The following CENPN variants were observed in gnomAD, a reference collection of about 807,000 sequenced individuals.
The protein encoded by CENPN is interphase centromere complex protein 32.
In CENPN, 36 loss-of-function variants were observed where a neutral mutation model predicts 48.6. The observed-to-expected ratio is 0.74, with a 90% confidence interval of 0.57 to 0.98. The LOEUF is 0.98. Ranked by LOEUF, CENPN falls within the 50% of genes least tolerant of loss-of-function variation. The pLI, the probability that CENPN is intolerant of heterozygous loss-of-function variation, is 0.00. For missense variants in CENPN, 439 were observed against 399.2 expected (o/e 1.10, Z -0.85); for synonymous variants, 166 against 135.2 (o/e 1.23, Z -1.58).
intron 7 of CENPN, chr16:81,024,390 G>T (rs1567554112): frequency 5.9e-6 from 1 of 168,732 alleles, no homozygotes; most frequent in African/African-American, 2.4e-5. Context: ...ATCTCAGTAA[G>T]TTTTTTAGGG....
In CENPN at chr16:81,029,805, G is replaced by C. The variant is rs546763339; in HGVS notation, c.*1154G>C. 5.3e-5 allele frequency among the ~76,000 whole-genome samples: 8 copies of C among 152,236 alleles called. No homozygotes were observed. The South Asian group carries it at 1.0e-3, about 20-fold the overall frequency. ...GCCCAGGCTGATCTCAAACTCCTGGGCTCAAGCAATCTGCCCATTTTAGCC... is the reference window on the plus strand; with the variant it reads ...GCCCAGGCTGATCTCAAACTCCTGGCCTCAAGCAATCTGCCCATTTTAGCC... On this transcript the variant is annotated 3_prime_UTR_variant, in exon 11 of 11. Coordinates refer to ENST00000305850, the MANE Select transcript of CENPN (RefSeq NM_001100624.3).
intron 6 of CENPN, among the ~76,000 whole-genome samples, chr16:81,021,469 T>C (rs1970195429): frequency 6.6e-6 from 1 of 152,172 alleles, no homozygotes; most frequent in Non-Finnish European, 1.5e-5. Flanking sequence ...GGCTGCATCA[T>C]GTCCTGTCAC....
intron 1 of CENPN, among the ~76,000 whole-genome samples, chr16:81,009,817 C>A (rs1969668947): frequency 6.6e-6 from 1 of 152,220 alleles, no homozygotes; most frequent in African/African-American, 2.4e-5. Flanking sequence ...GTCTTAAACA[C>A]AGATGCCAAG....
rs142073545 is a variant in CENPN at position 81,009,955 on chromosome 16, T to G, written c.-10-1975T>G. On this transcript the variant is annotated intron_variant, in intron 1 of 10. Transcript: ENST00000305850. Reference sequence around the variant, plus strand: ...GGCTCACACCTGTAATCCCAGCACTTCAGGAGGCCGAGGAGGGCAGATCAC... The same window carrying G: ...GGCTCACACCTGTAATCCCAGCACTGCAGGAGGCCGAGGAGGGCAGATCAC... Among the ~76,000 whole-genome samples, 818 of 152,308 alleles carry G rather than the reference T, an allele frequency of 5.4e-3. 1 individual carries two copies. The highest frequency in any genetic ancestry group is 0.014 in the Middle Eastern group (4 of 294).
intron 1 of CENPN, among the ~76,000 whole-genome samples, chr16:81,010,649 C>A (rs1969700140): frequency 6.7e-6 from 1 of 149,942 alleles, no homozygotes; most frequent in African/African-American, 2.4e-5. Context: ...TTTGGACTCT[C>A]ATCTTTATCT....
Position 81,029,573 on chromosome 16 carries a change from T to TTTTG in CENPN, c.*930_*933dup, listed in dbSNP as rs1970673315. Among the ~76,000 whole-genome samples the TTTTG allele has an allele frequency of 6.6e-6, 1 of 151,852 alleles. No individual in the cohort carries two copies. Among genetic ancestry groups the TTTTG allele is most frequent in the Non-Finnish European group, 1.5e-5 (1 of 67,932 alleles). Reference sequence around the variant, plus strand: ...CTCCATCCTGCCCAGCTAATTTTTTTTTTGTTTGTTTTTTGTTTTTTGAGA... The same window carrying TTTTG: ...CTCCATCCTGCCCAGCTAATTTTTTTTTTGTTTGTTTGTTTTTTGTTTTTTGAGA... On this transcript the variant is annotated 3_prime_UTR_variant, in exon 11 of 11. Transcript: ENST00000305850.
At chr16:81,010,859 T>G (rs1969710632) in intron 1 of CENPN, among the ~76,000 whole-genome samples, 1 of 152,164 alleles carries the variant, frequency 6.6e-6, no homozygotes, top group Non-Finnish European at 1.5e-5. Flanking sequence ...CTCTTAAAAG[T>G]GTATCCAGAA....
chr16:81,028,351 C>G, intron 10 of CENPN, 54 bp downstream of exon 10: 1 of 1,596,036 alleles, frequency 6.3e-7, no homozygotes, highest in East Asian at 2.2e-5. Flanking sequence ...TGCCTCCATT[C>G]CATCCTTATA....
intron 8 of CENPN, 23 bp downstream of exon 8, chr16:81,024,801 C>G (rs1970388009): frequency 6.6e-7 from 1 of 1,515,132 alleles, no homozygotes; most frequent in African/African-American, 1.4e-5. Flanking sequence ...TAATATGAAA[C>G]TGAATTTTGG....
chr16:81,032,440 C>G (rs1368106325), downstream of CENPN: 6 of 861,522 alleles, frequency 7.0e-6, no homozygotes, highest in Non-Finnish European at 9.0e-6. Context: ...CGTCCACACC[C>G]CATTGGGGGT....
rs901176547 is a variant in CENPN at position 81,030,320 on chromosome 16, A to G, written c.*1669A>G. The stretch of plus-strand genomic sequence containing the variant: ...GTTACAGAAACACATTAGACTGGGC[A>G]TGGTGGCTCACACTTGTAATCCCAG... On this transcript the variant is annotated 3_prime_UTR_variant, in exon 11 of 11. Transcript: ENST00000305850. 2 of 985,434 alleles carry G rather than the reference A, an allele frequency of 2.0e-6. No homozygotes were observed. Among genetic ancestry groups the G allele is most frequent in the East Asian group, 2.3e-4 (2 of 8,816 alleles). The allele number at this position is 985,434 out of a possible 1,614,324, so 61.0% of individuals were successfully genotyped here. A position where few individuals can be genotyped will look rare whatever the true frequency, so the allele number is the denominator to read the frequency against.
At chr16:81,028,095 A>G (rs1377147999) in intron 9 of CENPN, 76 bp from the exon 10 acceptor site, 3 of 1,149,374 alleles carry the variant, frequency 2.6e-6, no homozygotes, top group Admixed American at 2.0e-5. Context: ...GAAACGTATC[A>G]TTATGATTTC....
intron 1 of CENPN, among the ~76,000 whole-genome samples, chr16:81,010,801 T>G (rs969056753): frequency 1.3e-5 from 2 of 152,202 alleles, no homozygotes; most frequent in African/African-American, 4.8e-5. Flanking sequence ...GGTTCTTTTC[T>G]TGATCTAACA....
rs1164771262 is a variant in CENPN at position 81,017,183 on chromosome 16, T to A, written c.218-143T>A. The A allele has an allele frequency of 8.4e-6, 5 of 598,566 alleles. No individual in the cohort carries two copies. The East Asian group carries it at 1.5e-4, about 18-fold the overall frequency. 37.1% of individuals were successfully genotyped at this position (598,566 alleles called of 1,614,324 possible). On this transcript the variant is annotated intron_variant, in intron 3 of 10. Coordinates refer to ENST00000305850, the MANE Select transcript of CENPN (RefSeq NM_001100624.3). Reference sequence around the variant, plus strand: ...ATGAAGTACTTTAATCCATATAAAGTTTATATTTTGAATACAAATCTGTAT... The same window carrying A: ...ATGAAGTACTTTAATCCATATAAAGATTATATTTTGAATACAAATCTGTAT...
chr16:81,017,299 G>C (rs376874847), intron 3 of CENPN, 27 bp from the exon 4 acceptor site: 1 of 1,511,124 alleles, frequency 6.6e-7, no homozygotes, highest in South Asian at 1.1e-5. Context: ...TGATATGCTA[G>C]TAATAAAGCT....
chr16:81,028,124 T>C (rs1258064248), intron 9 of CENPN, 47 bp from the exon 10 acceptor site: 1 of 1,348,332 alleles, frequency 7.4e-7, no homozygotes, highest in South Asian at 1.2e-5. Flanking sequence ...TTACCATTCG[T>C]ATTTATACAA....
At chr16:81,024,883 T>G (rs1021821014) in intron 8 of CENPN, 105 bp downstream of exon 8, 12 of 656,180 alleles carry the variant, frequency 1.8e-5, no homozygotes, top group Non-Finnish European at 3.0e-5. Flanking sequence ...TTTAAAACTT[T>G]TATTGTTTTC....
chr16:81,032,545 A>C (rs1191025702), downstream of CENPN: 10 of 1,553,858 alleles, frequency 6.4e-6, no homozygotes, highest in East Asian at 2.3e-4. Context: ...TTATCAGTTG[A>C]TTTTCAGTGT....
chr16:81,007,399 G>A (rs377262812), intron 1 of CENPN, 122 bp downstream of exon 1: 2 of 152,430 alleles, frequency 1.3e-5, no homozygotes, highest in Admixed American at 6.5e-5. Flanking sequence ...GCGCAGGATT[G>A]GCGCTGGGTC....
Sources: allele counts gnomAD v4.1 joint callset (sites outside exome capture counted in the v4.1 genomes callset), GRCh38; gene constraint gnomAD v4.1.1; transcripts MANE v1.5; gene names NCBI Gene and HGNC (gene_info 2026-07-23, HGNC 2026-07-21).